KIAA0232: variants seen among roughly 807,000 people sequenced by gnomAD.
KIAA0232 encodes the protein KIAA0232.
A neutral mutation model predicts 122.0 loss-of-function variants in KIAA0232; 27 were observed. The ratio of observed to expected loss-of-function variants is 0.22; its 90% CI spans 0.16 to 0.31. The LOEUF (loss-of-function observed/expected upper bound fraction) is 0.31. Ranked by LOEUF, KIAA0232 falls within the 10% of genes least tolerant of loss-of-function variation. The pLI, the probability that KIAA0232 is intolerant of heterozygous loss-of-function variation, is 1.00. For missense variants in KIAA0232, 1,551 were observed against 1,634.2 expected (o/e 0.95, Z 0.88); for synonymous variants, 613 against 587.6 (o/e 1.04, Z -0.63).
Position 6,863,211 on chromosome 4 carries a change from T to G in KIAA0232, c.2829T>G (p.Asp943Glu). The G allele has an allele frequency of 1.2e-6, 2 of 1,613,938 alleles. No individual in the cohort carries two copies. Among genetic ancestry groups the G allele is most frequent in the Non-Finnish European group, 8.5e-7 (1 of 1,180,016 alleles). Residue 943 changes from aspartate (D) to glutamate (E), a missense_variant, in exon 7 of 10, where the codon GAT becomes GAG. Asp to Glu is a conservative substitution (Grantham distance 45). Transcript: ENST00000307659. Reference protein sequence around the residue: ...VYGELKTFNSDGEWAVVPPSH... With the variant: ...VYGELKTFNSEGEWAVVPPSH... Reference sequence around the variant, plus strand: ...GAGAACTCAAAACCTTCAATAGTGATGGGGAGTGGGCAGTCGTACCACCTA... The same window carrying G: ...GAGAACTCAAAACCTTCAATAGTGAGGGGGAGTGGGCAGTCGTACCACCTA...
At chr4:6,828,950 C>T (rs1237578532) in intron 3 of KIAA0232, among the ~76,000 whole-genome samples, 1 of 151,808 alleles carries the variant, frequency 6.6e-6, no homozygotes, top group African/African-American at 2.4e-5. Flanking sequence ...TTTTTGTCAC[C>T]TGTCCCGATA....
chr4:6,818,985 C>G (rs752962527), intron 2 of KIAA0232, among the ~76,000 whole-genome samples: 2 of 152,066 alleles, frequency 1.3e-5, no homozygotes, highest in Non-Finnish European at 2.9e-5. Flanking sequence ...AAAAGGACTC[C>G]CTATTCAATA....
intron 2 of KIAA0232, among the ~76,000 whole-genome samples, chr4:6,816,667 T>C (rs897983585): frequency 6.6e-6 from 1 of 152,212 alleles, no homozygotes; most frequent in African/African-American, 2.4e-5. Flanking sequence ...GGAAAGTTTG[T>C]ATAGAATTGG....
chr4:6,857,587 C>A (rs536061391), intron 5 of KIAA0232, among the ~76,000 whole-genome samples: 1 of 152,152 alleles, frequency 6.6e-6, no homozygotes, highest in East Asian at 1.9e-4. Flanking sequence ...TTTCCCCATC[C>A]TTGCCCCTCT....
intron 4 of KIAA0232, among the ~76,000 whole-genome samples, chr4:6,847,604 A>C (rs1412982851): frequency 6.6e-6 from 1 of 152,234 alleles, no homozygotes; most frequent in Non-Finnish European, 1.5e-5. Flanking sequence ...GCCTTGGCTA[A>C]TTCCCTTTCA....
intron 1 of KIAA0232, among the ~76,000 whole-genome samples, chr4:6,791,153 C>G (rs1203063167): frequency 3.3e-5 from 5 of 151,192 alleles, no homozygotes; most frequent in Admixed American, 1.3e-4. Flanking sequence ...CTCCTGAGCT[C>G]AGGCAGTCCG....
chr4:6,846,423 G>A (rs139752782), intron 4 of KIAA0232, among the ~76,000 whole-genome samples: 158 of 152,274 alleles, frequency 1.0e-3, no homozygotes, highest in African/African-American at 3.4e-3. Flanking sequence ...CCTCAGATCC[G>A]TTGTGGCATT....
At chr4:6,822,415 A>C (rs569461289) in intron 2 of KIAA0232, among the ~76,000 whole-genome samples, 8 of 152,228 alleles carry the variant, frequency 5.3e-5, no homozygotes, top group Non-Finnish European at 8.8e-5. Flanking sequence ...CAAGAAACTC[A>C]GTCTTAAATC....
chr4:6,837,624 A>T (rs376453618), intron 3 of KIAA0232, among the ~76,000 whole-genome samples: 4 of 152,210 alleles, frequency 2.6e-5, no homozygotes, highest in African/African-American at 9.7e-5. Context: ...CCTGGGCAAC[A>T]TTGAGCACTG....
At chr4:6,875,086 G>C (rs1721681372) in intron 8 of KIAA0232, among the ~76,000 whole-genome samples, 1 of 152,224 alleles carries the variant, frequency 6.6e-6, no homozygotes, top group Non-Finnish European at 1.5e-5. Context: ...CCAAGGAAAA[G>C]ATGCCTCCTT....
chr4:6,851,436 G>A (rs959353827), intron 4 of KIAA0232, among the ~76,000 whole-genome samples: 1 of 152,068 alleles, frequency 6.6e-6, no homozygotes, highest in Non-Finnish European at 1.5e-5. Context: ...GCCTGGGTGC[G>A]ATGGCTCATG....
intron 7 of KIAA0232, among the ~76,000 whole-genome samples, chr4:6,870,439 T>G (rs1334225918): frequency 6.6e-6 from 1 of 152,260 alleles, no homozygotes; most frequent in Admixed American, 6.5e-5. Context: ...GGTTTTAGCC[T>G]TAGTTTCCTT....
At chr4:6,825,121 C>T (rs1718612742) in intron 3 of KIAA0232, among the ~76,000 whole-genome samples, 1 of 152,208 alleles carries the variant, frequency 6.6e-6, no homozygotes. Context: ...TGATGTTTAT[C>T]TGCTTATTAG....
rs1720877803 is a variant in KIAA0232, at chr4:6,861,684, A to G, written c.1302A>G (p.Thr434=). The stretch of plus-strand genomic sequence containing the variant: ...ACAGACAGGATACAAGTGATCTGAC[A>G]TCAGAGGCAGTGGAAGAATTGTCTG... ...YRNRQDTSDL[T]SEAVEELSES... Residue 434 remains threonine, a synonymous_variant, in exon 7 of 10, where the codon ACA becomes ACG. Coordinates refer to ENST00000307659, the MANE Select transcript of KIAA0232 (RefSeq NM_014743.3). The G allele has an allele frequency of 6.2e-7, 1 of 1,614,054 alleles. No individual in the cohort carries two copies. Among genetic ancestry groups the G allele is most frequent in the African/African-American group, 1.3e-5 (1 of 74,942 alleles).
chr4:6,813,534 T>C (rs1184876487), intron 2 of KIAA0232, among the ~76,000 whole-genome samples: 1 of 151,968 alleles, frequency 6.6e-6, no homozygotes, highest in Non-Finnish European at 1.5e-5. Flanking sequence ...GGCTAACTTT[T>C]TGTATTTTTA....
chr4:6,784,303 T>C (rs1340654352), intron 1 of KIAA0232, among the ~76,000 whole-genome samples: 3 of 152,096 alleles, frequency 2.0e-5, no homozygotes, highest in Admixed American at 6.6e-5. Context: ...ACAAGCAGTT[T>C]TGGTAATAGG....
chr4:6,799,421 G>A lies in KIAA0232; in HGVS notation c.-353-5102G>A, dbSNP rs1717278314. On this transcript the variant is annotated intron_variant, in intron 1 of 9. Coordinates refer to ENST00000307659, the MANE Select transcript of KIAA0232 (RefSeq NM_014743.3). ...GGGGAAACAGTTCAGTCCACAGCAG[G>A]TGTTAAAGTTGGGGGTAAACAATTT... Among the ~76,000 whole-genome samples, 2 of 151,424 alleles carry A rather than the reference G, an allele frequency of 1.3e-5. 1 individual carries two copies. The highest frequency in any genetic ancestry group is 4.2e-4 in the South Asian group (2 of 4,756).
Position 6,823,228 on chromosome 4 carries a change from G to A in KIAA0232, c.-269-957G>A, listed in dbSNP as rs554931480. ...AGTCTTTGCTATTGTGAATAATGCC[G>A]CAGTAAACATACGTGTGCATATGTC... is the stretch of plus-strand genomic sequence containing the variant. On this transcript the variant is annotated intron_variant, in intron 2 of 9. Coordinates refer to ENST00000307659, the MANE Select transcript of KIAA0232 (RefSeq NM_014743.3). 1.6e-3 allele frequency among the ~76,000 whole-genome samples: 250 copies of A among 151,918 alleles called. 1 individual carries two copies. The highest frequency in any genetic ancestry group is 2.8e-3 in the Non-Finnish European group (188 of 67,962).
rs542144926 is a variant in KIAA0232, at chr4:6,855,987, G to C, written c.370-1177G>C. 1 of 378,862 alleles carries C rather than the reference G, an allele frequency of 2.6e-6. No individual in the cohort carries two copies. Among genetic ancestry groups the C allele is most frequent in the South Asian group, 1.1e-4 (1 of 9,310 alleles). 23.5% of individuals were successfully genotyped at this position (378,862 alleles called of 1,614,324 possible). On this transcript the variant is annotated intron_variant, in intron 4 of 9. Transcript: ENST00000307659. This position sits in a 1 kb window ranked among gnomAD's most constrained non-coding sequence, Gnocchi z 4.3. ...ATCGTTTTTAAGAGTGTTTTTAAAGGAAAGGGCAACTCTTGTCTGGCCTAT... is the reference window on the plus strand; with the variant it reads ...ATCGTTTTTAAGAGTGTTTTTAAAGCAAAGGGCAACTCTTGTCTGGCCTAT...
Sources: gnomAD v4.1 joint callset for allele counts (sites outside exome capture counted in the v4.1 genomes callset) on GRCh38, gnomAD v4.1.1 for gene constraint, Gnocchi (gnomAD v3.1) non-coding constraint, MANE v1.5 for transcripts, NCBI Gene and HGNC (gene_info 2026-07-23, HGNC 2026-07-21) for gene names.